The following SRGAP1 variants were observed in gnomAD, a reference collection of about 807,000 sequenced individuals.
SRGAP1 encodes SLIT-ROBO Rho GTPase activating protein 1.
Under a neutral mutation model 121.9 loss-of-function variants are expected in SRGAP1, and 43 were observed. The observed-to-expected ratio is 0.35, with a 90% CI of 0.28 to 0.46. The LOEUF (loss-of-function observed/expected upper bound fraction) is 0.46, where lower values mean the gene tolerates loss of function less well. Among genes scored for constraint, SRGAP1 ranks in the 20% least tolerant of loss-of-function variants. The probability of loss-of-function intolerance (pLI) is 1.00; values close to 1 mark genes in which losing one functional copy is unlikely to be tolerated. For missense variants in SRGAP1, 1,102 were observed against 1,350.9 expected (o/e 0.82, Z 2.89); for synonymous variants, 447 against 485.4 (o/e 0.92, Z 1.04).
chr12:63,987,648 G>A (rs1196639712), intron 2 of SRGAP1, among the ~76,000 whole-genome samples: 4 of 152,086 alleles, frequency 2.6e-5, no homozygotes, highest in South Asian at 2.1e-4. Flanking sequence ...CTTGAACCCC[G>A]GAGGAAAAGG....
At position 64,080,332 on chromosome 12, in the gene SRGAP1, A is replaced by G; in HGVS notation, c.1370A>G (p.Gln457Arg). The change falls in exon 10 of 22, where the codon CAA becomes CGA. Residue 457 changes from glutamine (Q) to arginine (R), a missense_variant. Gln to Arg is a conservative substitution (Grantham distance 43). Coordinates refer to ENST00000355086, the MANE Select transcript of SRGAP1 (RefSeq NM_020762.4). ...LEGSNLITKLQAKHDLLQRTL... is the reference protein window; with the variant it reads ...LEGSNLITKLRAKHDLLQRTL... ...GGCAGTAATCTCATCACAAAACTTC[A>G]AGCCAAACATGACTTGCTGCAGAGG... 1 of 1,613,984 alleles carries G rather than the reference A, an allele frequency of 6.2e-7. No homozygotes were observed. The highest frequency in any genetic ancestry group is 8.5e-7 in the Non-Finnish European group (1 of 1,179,942).
intron 1 of SRGAP1, among the ~76,000 whole-genome samples, chr12:63,961,497 A>G (rs1470254374): frequency 1.3e-5 from 2 of 152,154 alleles, no homozygotes; most frequent in African/African-American, 2.4e-5. Flanking sequence ...TCCAGATCGT[A>G]TATGTAGAGC....
intron 4 of SRGAP1, among the ~76,000 whole-genome samples, chr12:64,017,427 G>C (rs2034432797): frequency 6.6e-6 from 1 of 152,132 alleles, no homozygotes; most frequent in Non-Finnish European, 1.5e-5. Context: ...GGCCAAGGCT[G>C]GTGGATCACT....
chr12:64,037,063 G>A (rs1341646646), intron 4 of SRGAP1, among the ~76,000 whole-genome samples: 1 of 152,206 alleles, frequency 6.6e-6, no homozygotes, highest in Non-Finnish European at 1.5e-5. Flanking sequence ...GATCCCTCTG[G>A]CTGAGAAGCC....
intron 1 of SRGAP1, among the ~76,000 whole-genome samples, chr12:63,945,897 A>G (rs1460787092): frequency 1.3e-5 from 2 of 152,176 alleles, no homozygotes; most frequent in African/African-American, 2.4e-5. Context: ...TGATCTGGGC[A>G]GGACTGCAGC....
intron 4 of SRGAP1, among the ~76,000 whole-genome samples, chr12:64,028,976 AT>A (rs2136484092): frequency 6.6e-6 from 1 of 152,154 alleles, no homozygotes; most frequent in African/African-American, 2.4e-5. Context: ...TTTTATATTC[AT>A]TTTTCCAACC....
chr12:63,956,979 T>C lies in SRGAP1; in HGVS notation c.68-26968T>C, dbSNP rs189678855. ...TTTATGAAGTCATATATTTGTCCTT[T>C]TATGTCTGTCCTCATTCATTTAGCA... On this transcript the variant is annotated intron_variant, in intron 1 of 21. Transcript: ENST00000355086. 2.7e-4 allele frequency among the ~76,000 whole-genome samples: 41 copies of C among 152,332 alleles called. 1 individual carries two copies. Among genetic ancestry groups the C allele is most frequent in the African/African-American group, 9.6e-4 (40 of 41,586 alleles).
chr12:63,849,772 C>T (rs1207984711), intron 1 of SRGAP1, among the ~76,000 whole-genome samples: 1 of 152,202 alleles, frequency 6.6e-6, no homozygotes, highest in African/African-American at 2.4e-5. Flanking sequence ...CCAACCCACT[C>T]ATTACATGAT....
At chr12:63,853,335 T>C (rs557029796) in intron 1 of SRGAP1, among the ~76,000 whole-genome samples, 2 of 152,062 alleles carry the variant, frequency 1.3e-5, no homozygotes, top group African/African-American at 4.8e-5. Flanking sequence ...ACCACAAAAT[T>C]TTAAGTTGAA....
intron 1 of SRGAP1, among the ~76,000 whole-genome samples, chr12:63,936,310 A>C (rs1401765091): frequency 6.6e-6 from 1 of 152,212 alleles, no homozygotes; most frequent in East Asian, 1.9e-4. Context: ...TTATTACTGC[A>C]TCAGAGACAA....
intron 1 of SRGAP1, among the ~76,000 whole-genome samples, chr12:63,865,360 T>C (rs1899591190): frequency 6.6e-6 from 1 of 152,000 alleles, no homozygotes; most frequent in African/African-American, 2.4e-5. Context: ...TCTTAGTTAC[T>C]TGGGAGACTG....
chr12:63,956,740 T>A (rs569427809), intron 1 of SRGAP1, among the ~76,000 whole-genome samples: 5 of 145,516 alleles, frequency 3.4e-5, no homozygotes, highest in African/African-American at 1.2e-4. Flanking sequence ...TTTTTTTTTT[T>A]GCAGCAGCTT....
chr12:64,138,943 C>T (rs1267178263), intron 21 of SRGAP1, among the ~76,000 whole-genome samples: 1 of 151,968 alleles, frequency 6.6e-6, no homozygotes, highest in Non-Finnish European at 1.5e-5. Flanking sequence ...CCAATCAAAA[C>T]AAAAAATAAC....
At chr12:64,036,465 A>T (rs897353926) in intron 4 of SRGAP1, among the ~76,000 whole-genome samples, 39 of 152,216 alleles carry the variant, frequency 2.6e-4, no homozygotes. Flanking sequence ...TAGGTAGTTG[A>T]TAAGAAACCC....
chr12:63,951,063 T>G (rs185456601), intron 1 of SRGAP1, among the ~76,000 whole-genome samples: 10 of 151,738 alleles, frequency 6.6e-5, no homozygotes, highest in African/African-American at 2.4e-4. Flanking sequence ...GTATCCTTAC[T>G]TTATCTCAGG....
intron 3 of SRGAP1, among the ~76,000 whole-genome samples, chr12:64,003,649 C>A (rs1049598060): frequency 6.6e-6 from 1 of 151,574 alleles, no homozygotes; most frequent in Non-Finnish European, 1.5e-5. Flanking sequence ...CTGGTCTGAA[C>A]AACAGAGAGA....
chr12:64,061,126 T>C (rs1285854732), intron 6 of SRGAP1, among the ~76,000 whole-genome samples: 2 of 152,142 alleles, frequency 1.3e-5, no homozygotes, highest in Non-Finnish European at 2.9e-5. Flanking sequence ...TTTTTTCAAG[T>C]CATATTCTCT....
At chr12:63,979,670 A>T (rs537908374) in intron 1 of SRGAP1, among the ~76,000 whole-genome samples, 1 of 151,978 alleles carries the variant, frequency 6.6e-6, no homozygotes, top group South Asian at 2.1e-4. Flanking sequence ...TGTCTTACAA[A>T]CCTTTGTATC....
At position 64,115,894 on chromosome 12, in the gene SRGAP1, G is replaced by T; in HGVS notation, c.2224+1G>T. 1 of 1,610,192 alleles carries T rather than the reference G, an allele frequency of 6.2e-7. No individual in the cohort carries two copies. The highest frequency in any genetic ancestry group is 8.5e-7 in the Non-Finnish European group (1 of 1,177,716). On this transcript the variant is annotated splice_donor_variant, in intron 18 of 21. Transcript: ENST00000355086. LOFTEE classifies it high-confidence loss of function. The stretch of plus-strand genomic sequence containing the variant: ...ACAGAGCCCCACACAAGTGAAGATG[G>T]TATGCTCTCCCCTTATGCTATTATA...
Sources: gnomAD v4.1 joint callset for allele counts (sites outside exome capture counted in the v4.1 genomes callset) on GRCh38, gnomAD v4.1.1 for gene constraint, MANE v1.5 for transcripts, NCBI Gene and HGNC (gene_info 2026-07-23, HGNC 2026-07-21) for gene names.